CSNK2A2IP: variants seen among roughly 807,000 people sequenced by gnomAD.
CSNK2A2IP encodes casein kinase 2 subunit alpha' interacting protein.
chr3:88,461,981 G>T, the CSNK2A2IP span, among the ~76,000 whole-genome samples: 1 of 151,318 alleles, frequency 6.6e-6, no homozygotes, highest in African/African-American at 2.4e-5. Context: ...TGAAGCCGAG[G>T]TTTTTTTTCA....
the CSNK2A2IP span, among the ~76,000 whole-genome samples, chr3:88,407,427 A>G: frequency 6.6e-6 from 1 of 152,054 alleles, no homozygotes; most frequent in Non-Finnish European, 1.5e-5. Flanking sequence ...TTATGCTAGT[A>G]GATTCAAGCT....
At chr3:88,393,413 G>A in the CSNK2A2IP span, among the ~76,000 whole-genome samples, 1 of 152,186 alleles carries the variant, frequency 6.6e-6, no homozygotes, top group Non-Finnish European at 1.5e-5. Flanking sequence ...GGAATGGAAG[G>A]AGAGTAGTAG....
chr3:88,426,231 G>A, the CSNK2A2IP span, among the ~76,000 whole-genome samples: 1 of 152,114 alleles, frequency 6.6e-6, no homozygotes, highest in Middle Eastern at 3.2e-3. Context: ...GTATTTGTTA[G>A]ACATTGTAAT....
At chr3:88,407,202 C>G in the CSNK2A2IP span, among the ~76,000 whole-genome samples, 1 of 149,012 alleles carries the variant, frequency 6.7e-6, no homozygotes, top group Non-Finnish European at 1.5e-5. Flanking sequence ...GAATTACTTA[C>G]TCTATCATGT....
chr3:88,460,887 A>AGACCAACCT, the CSNK2A2IP span, among the ~76,000 whole-genome samples: 1 of 152,218 alleles, frequency 6.6e-6, no homozygotes, highest in East Asian at 1.9e-4. Flanking sequence ...CAGGAGTTCA[A>AGACCAACCT]GACCAACCTG....
chr3:88,366,322 G>A, the CSNK2A2IP span, among the ~76,000 whole-genome samples: 1 of 152,156 alleles, frequency 6.6e-6, no homozygotes, highest in Non-Finnish European at 1.5e-5. Flanking sequence ...CTAAGCCACA[G>A]TTGTATATGG....
the CSNK2A2IP span, among the ~76,000 whole-genome samples, chr3:88,402,870 G>A: frequency 6.6e-6 from 1 of 151,944 alleles, no homozygotes; most frequent in Non-Finnish European, 1.5e-5. Context: ...ATTTTTTGAT[G>A]TCTTCTCACA....
the CSNK2A2IP span, among the ~76,000 whole-genome samples, chr3:88,407,490 C>T: frequency 6.6e-6 from 1 of 152,020 alleles, no homozygotes; most frequent in Non-Finnish European, 1.5e-5. Context: ...GCATATGTAG[C>T]GCTGAAAATA....
chr3:88,440,353 G>A, the CSNK2A2IP span, among the ~76,000 whole-genome samples: 1 of 152,132 alleles, frequency 6.6e-6, no homozygotes, highest in African/African-American at 2.4e-5. Context: ...TGAGTAATTG[G>A]TAACATACAA....
At chr3:88,442,973 C>T in the CSNK2A2IP span, among the ~76,000 whole-genome samples, 1 of 151,702 alleles carries the variant, frequency 6.6e-6, no homozygotes, top group South Asian at 2.1e-4. Context: ...AGTCTAATTG[C>T]TTTAATAATT....
At chr3:88,430,407 ATAT>A in the CSNK2A2IP span, among the ~76,000 whole-genome samples, 1 of 152,082 alleles carries the variant, frequency 6.6e-6, no homozygotes, top group African/African-American at 2.4e-5. Context: ...GAGCATTTAT[ATAT>A]TTTCATTATA....
chr3:88,467,315 C>G, the CSNK2A2IP span: 2 of 399,670 alleles, frequency 5.0e-6, no homozygotes, highest in South Asian at 2.5e-4. Flanking sequence ...TCCTCTTCCT[C>G]TCCTTCCAAA....
At chr3:88,448,085 A>G in the CSNK2A2IP span, among the ~76,000 whole-genome samples, 1 of 152,198 alleles carries the variant, frequency 6.6e-6, no homozygotes, top group African/African-American at 2.4e-5. Flanking sequence ...CAGTGTCTCA[A>G]TAAGGAACCT....
the CSNK2A2IP span, among the ~76,000 whole-genome samples, chr3:88,435,089 C>T: frequency 0.09 from 13,632 of 152,146 alleles, 794 homozygotes; most frequent in Non-Finnish European, 0.13. Context: ...CATGAGAAAG[C>T]AAAATACCAA....
the CSNK2A2IP span, among the ~76,000 whole-genome samples, chr3:88,347,252 A>G: frequency 6.6e-6 from 1 of 152,062 alleles, no homozygotes; most frequent in Non-Finnish European, 1.5e-5. Context: ...TGAAGGATTT[A>G]GAATATTACA....
At chr3:88,435,778 A>G in the CSNK2A2IP span, among the ~76,000 whole-genome samples, 1 of 144,418 alleles carries the variant, frequency 6.9e-6, no homozygotes, top group Non-Finnish European at 1.5e-5. Context: ...TCTCTTAGCT[A>G]AATAAGAAGA....
At chr3:88,446,809 A>G in the CSNK2A2IP span, among the ~76,000 whole-genome samples, 1 of 152,146 alleles carries the variant, frequency 6.6e-6, no homozygotes, top group Non-Finnish European at 1.5e-5. Context: ...CAGAGAAGAG[A>G]CTCAAGCTTT....
the CSNK2A2IP span, among the ~76,000 whole-genome samples, chr3:88,413,365 A>G: frequency 6.6e-6 from 1 of 151,784 alleles, no homozygotes; most frequent in East Asian, 1.9e-4. Flanking sequence ...AAAGATTCAA[A>G]TGCTATACAT....
At chr3:88,383,673 T>C in the CSNK2A2IP span, among the ~76,000 whole-genome samples, 1 of 98,112 alleles carries the variant, frequency 1.0e-5, no homozygotes, top group East Asian at 3.2e-4. Flanking sequence ...TTTTTTTTTT[T>C]TGGGACGGAG....
Sources: allele counts gnomAD v4.1 joint callset (sites outside exome capture counted in the v4.1 genomes callset), GRCh38; gene constraint gnomAD v4.1.1; transcripts MANE v1.5; gene names NCBI Gene and HGNC (gene_info 2026-07-23, HGNC 2026-07-21).